Variants in LRFN5 observed in about 807,000 individuals in gnomAD.
LRFN5 encodes leucine-rich repeat and fibronectin type-III domain-containing protein 5.
LRFN5 carries 24 observed loss-of-function variants against 45.6 expected under a neutral mutation model. That is an observed-to-expected ratio of 0.53 (90% confidence interval 0.38 to 0.74). The LOEUF (loss-of-function observed/expected upper bound fraction) is 0.74. LRFN5 is among the 30% of genes least tolerant of loss of function. The probability of loss-of-function intolerance (pLI) is 0.00; values close to 1 mark genes in which losing one functional copy is unlikely to be tolerated. For synonymous variants in LRFN5, 340 were observed against 313.8 expected, an observed-to-expected ratio of 1.08 and a Z score of -0.88; for missense variants, 776 against 861.5, an observed-to-expected ratio of 0.90 and a Z score of 1.24.
At chr14:41,639,196 A>G (rs1879446356) in intron 1 of LRFN5, among the ~76,000 whole-genome samples, 1 of 152,096 alleles carries the variant, frequency 6.6e-6, no homozygotes, top group Non-Finnish European at 1.5e-5. Flanking sequence ...GCAGGAATCC[A>G]TTGTGTTTCT....
At chr14:41,892,898 T>A in intron 4 of LRFN5, 1 of 985,264 alleles carries the variant, frequency 1.0e-6, no homozygotes. Context: ...TTTGAATGAA[T>A]GAGTTTTATG....
At chr14:41,783,280 C>A (rs1255467580) in intron 2 of LRFN5, among the ~76,000 whole-genome samples, 4 of 152,100 alleles carry the variant, frequency 2.6e-5, no homozygotes, top group African/African-American at 9.7e-5. Context: ...CAGCCTTCAG[C>A]AAATCACCAA....
At chr14:41,640,219 A>C (rs112925881) in intron 1 of LRFN5, among the ~76,000 whole-genome samples, 1,652 of 152,058 alleles carry the variant, frequency 0.011, 20 homozygotes, top group South Asian at 0.059. Flanking sequence ...CATTCCAAAT[A>C]AGCTTTGTCA....
chr14:41,900,197 G>T (rs1207485055), intron 5 of LRFN5, among the ~76,000 whole-genome samples: 3 of 151,998 alleles, frequency 2.0e-5, no homozygotes, highest in Admixed American at 6.6e-5. Context: ...GGAAACAGAT[G>T]ATTAATCTAT....
intron 2 of LRFN5, among the ~76,000 whole-genome samples, chr14:41,796,911 T>C (rs1164567514): frequency 6.6e-6 from 1 of 151,816 alleles, no homozygotes; most frequent in Non-Finnish European, 1.5e-5. Flanking sequence ...TTTGTAATAT[T>C]TGCTTATGAT....
At chr14:41,678,242 G>GCATACATA (rs547036818) in intron 1 of LRFN5, among the ~76,000 whole-genome samples, 2 of 151,278 alleles carry the variant, frequency 1.3e-5, no homozygotes, top group African/African-American at 4.9e-5. Flanking sequence ...GAAGATACAT[G>GCATACATA]CATACATACA....
chr14:41,851,237 A>G (rs1303112958), intron 2 of LRFN5, among the ~76,000 whole-genome samples: 4 of 151,596 alleles, frequency 2.6e-5, no homozygotes, highest in Admixed American at 6.6e-5. Context: ...TGTATATTAC[A>G]TAAAACAATG....
chr14:41,638,962 T>C (rs888946343), intron 1 of LRFN5, among the ~76,000 whole-genome samples: 3 of 152,076 alleles, frequency 2.0e-5, no homozygotes, highest in African/African-American at 7.2e-5. Flanking sequence ...AATATTTCTC[T>C]TATTTAATCC....
chr14:41,757,333 T>G (rs749965108), intron 1 of LRFN5, among the ~76,000 whole-genome samples: 2 of 152,214 alleles, frequency 1.3e-5, no homozygotes, highest in Non-Finnish European at 2.9e-5. Context: ...GCCTTTTGTT[T>G]GGCTATGCCC....
chr14:41,841,224 A>G (rs768055072), intron 2 of LRFN5, among the ~76,000 whole-genome samples: 4 of 151,948 alleles, frequency 2.6e-5, no homozygotes, highest in Non-Finnish European at 5.9e-5. Context: ...AATTATAGAA[A>G]TTATATAAGG....
intron 1 of LRFN5, among the ~76,000 whole-genome samples, chr14:41,640,718 T>G (rs1879535875): frequency 6.6e-6 from 1 of 152,144 alleles, no homozygotes; most frequent in Non-Finnish European, 1.5e-5. Context: ...CAAAAACTAT[T>G]GTACAAATAA....
intron 2 of LRFN5, among the ~76,000 whole-genome samples, chr14:41,829,244 T>G (rs952636880): frequency 1.3e-5 from 2 of 152,024 alleles, no homozygotes; most frequent in African/African-American, 4.8e-5. Flanking sequence ...GAACTGATTT[T>G]GTTACATTTC....
intron 2 of LRFN5, among the ~76,000 whole-genome samples, chr14:41,826,224 T>G (rs1247173906): frequency 6.6e-6 from 1 of 152,172 alleles, no homozygotes; most frequent in Non-Finnish European, 1.5e-5. Flanking sequence ...TTACAACTCT[T>G]CAGAGGTTGC....
intron 1 of LRFN5, among the ~76,000 whole-genome samples, chr14:41,636,618 A>G (rs1879319115): frequency 6.6e-6 from 1 of 152,024 alleles, no homozygotes; most frequent in Non-Finnish European, 1.5e-5. Context: ...GTATAATTAA[A>G]AAAAAAAAAG....
At chr14:41,827,152 G>A (rs144929307) in intron 2 of LRFN5, among the ~76,000 whole-genome samples, 1 of 152,090 alleles carries the variant, frequency 6.6e-6, no homozygotes, top group Non-Finnish European at 1.5e-5. Flanking sequence ...AATATCAAGT[G>A]AATTAGTGTT....
intron 2 of LRFN5, among the ~76,000 whole-genome samples, chr14:41,876,812 C>T (rs1328524924): frequency 6.6e-6 from 1 of 152,064 alleles, no homozygotes; most frequent in Non-Finnish European, 1.5e-5. Flanking sequence ...TTTTTACCCG[C>T]AGCATCCTCA....
intron 1 of LRFN5, among the ~76,000 whole-genome samples, chr14:41,681,350 A>G (rs755081685): frequency 2.0e-5 from 3 of 152,172 alleles, no homozygotes; most frequent in Non-Finnish European, 2.9e-5. Context: ...AAGGATAAAG[A>G]AAAGATTTTA....
At chr14:41,621,555 A>G (rs1317753102) in intron 1 of LRFN5, among the ~76,000 whole-genome samples, 4 of 152,170 alleles carry the variant, frequency 2.6e-5, no homozygotes, top group Non-Finnish European at 5.9e-5. Context: ...GTGGAATTAT[A>G]TGACGGTCCC....
chr14:41,713,829 GT>G (rs1206223493), intron 1 of LRFN5, among the ~76,000 whole-genome samples: 1 of 152,044 alleles, frequency 6.6e-6, no homozygotes, highest in East Asian at 1.9e-4. Context: ...AAAGTTGAGT[GT>G]GTTCATGCCT....
Sources: gnomAD v4.1 joint callset for allele counts (sites outside exome capture counted in the v4.1 genomes callset) on GRCh38, gnomAD v4.1.1 for gene constraint, MANE v1.5 for transcripts, NCBI Gene and HGNC (gene_info 2026-07-23, HGNC 2026-07-21) for gene names.